Variants in VTI1A observed in about 807,000 individuals in gnomAD.
VTI1A encodes the protein vesicle transport through interaction with t-SNAREs 1A, also known as vesicle transport through interaction with t-SNAREs homolog 1A.
Under a neutral mutation model 34.9 loss-of-function variants are expected in VTI1A, and 22 were observed. The observed-to-expected ratio is 0.63, with a 90% CI of 0.45 to 0.90. VTI1A has a LOEUF of 0.90. Among genes scored for constraint, VTI1A ranks in the 40% least tolerant of loss-of-function variants. The pLI is 0.00. For synonymous variants in VTI1A, 87 were observed against 97.3 expected, an observed-to-expected ratio of 0.89 and a Z score of 0.62; for missense variants, 268 against 275.6, an observed-to-expected ratio of 0.97 and a Z score of 0.20.
At chr10:112,611,457 T>C (rs1845305903) in intron 5 of VTI1A, among the ~76,000 whole-genome samples, 1 of 152,194 alleles carries the variant, frequency 6.6e-6, no homozygotes, top group Admixed American at 6.5e-5. Context: ...CAACATATTA[T>C]TCTGATCACT....
intron 5 of VTI1A, among the ~76,000 whole-genome samples, chr10:112,627,537 A>C (rs1415163047): frequency 6.6e-6 from 1 of 152,184 alleles, no homozygotes; most frequent in Admixed American, 6.5e-5. Context: ...TAACTACTCA[A>C]ATATAACCAC....
intron 5 of VTI1A, among the ~76,000 whole-genome samples, chr10:112,552,440 A>G (rs1386619402): frequency 6.6e-6 from 1 of 151,708 alleles, no homozygotes; most frequent in African/African-American, 2.4e-5. Flanking sequence ...CAACAAACCA[A>G]CCAACCAACA....
chr10:112,815,228 G>A (rs1241129093), intron 7 of VTI1A, 62 bp from the exon 8 acceptor site: 13 of 1,210,018 alleles, frequency 1.1e-5, no homozygotes, highest in Middle Eastern at 2.5e-4. Context: ...GGCCTCGGAC[G>A]GCGTTTGTGG....
chr10:112,476,139 C>T (rs1056803544), intron 3 of VTI1A, among the ~76,000 whole-genome samples: 10 of 152,162 alleles, frequency 6.6e-5, no homozygotes, highest in Non-Finnish European at 5.9e-5. Context: ...GTGTTTGGAA[C>T]ATGAAGAAGC....
At chr10:112,676,546 G>A (rs1023209214) in intron 7 of VTI1A, among the ~76,000 whole-genome samples, 5 of 152,262 alleles carry the variant, frequency 3.3e-5, no homozygotes, top group African/African-American at 1.2e-4. Flanking sequence ...GTCTTCCTTA[G>A]TCTCATCGCT....
At chr10:112,623,182 T>C (rs1845792965) in intron 5 of VTI1A, among the ~76,000 whole-genome samples, 1 of 152,102 alleles carries the variant, frequency 6.6e-6, no homozygotes, top group South Asian at 2.1e-4. Flanking sequence ...ACCATTTGTT[T>C]TCCAATCTCT....
At chr10:112,506,601 T>A (rs964615431) in intron 3 of VTI1A, among the ~76,000 whole-genome samples, 29 of 152,224 alleles carry the variant, frequency 1.9e-4, no homozygotes, top group African/African-American at 7.0e-4. Context: ...ATTTTGCTCT[T>A]GTTGTCTTCT....
intron 7 of VTI1A, among the ~76,000 whole-genome samples, chr10:112,740,315 A>T (rs1045740765): frequency 6.6e-6 from 1 of 152,122 alleles, no homozygotes; most frequent in African/African-American, 2.4e-5. Context: ...TTTGAGACAG[A>T]GTCTTGCGCT....
intron 7 of VTI1A, among the ~76,000 whole-genome samples, chr10:112,712,384 A>C (rs1321894307): frequency 3.3e-5 from 5 of 151,692 alleles, no homozygotes; most frequent in Non-Finnish European, 7.4e-5. Context: ...CATCCTCCTA[A>C]TGATTTGTTT....
chr10:112,753,251 A>C (rs1406987871), intron 7 of VTI1A, among the ~76,000 whole-genome samples: 1 of 151,438 alleles, frequency 6.6e-6, no homozygotes. Flanking sequence ...GAAACAGCCA[A>C]GAAACTTTAC....
intron 7 of VTI1A, among the ~76,000 whole-genome samples, chr10:112,675,897 C>T (rs1341444794): frequency 6.6e-6 from 1 of 152,178 alleles, no homozygotes; most frequent in Non-Finnish European, 1.5e-5. Context: ...CTCTCCGTAC[C>T]TCAGTTTCCT....
At chr10:112,715,933 A>G (rs919533383) in intron 7 of VTI1A, among the ~76,000 whole-genome samples, 1 of 152,184 alleles carries the variant, frequency 6.6e-6, no homozygotes, top group Non-Finnish European at 1.5e-5. Flanking sequence ...TTGTCAGTGT[A>G]TTGAGACTGG....
intron 4 of VTI1A, among the ~76,000 whole-genome samples, chr10:112,535,491 GC>G (rs1351910654): frequency 6.6e-6 from 1 of 152,118 alleles, no homozygotes; most frequent in Non-Finnish European, 1.5e-5. Flanking sequence ...ACAAAAATAT[GC>G]CCCTTCTCTT....
chr10:112,469,662 C>T (rs1009632808), intron 3 of VTI1A, among the ~76,000 whole-genome samples: 5 of 152,284 alleles, frequency 3.3e-5, no homozygotes, highest in African/African-American at 9.6e-5. Flanking sequence ...AGTGCTCTCT[C>T]GCCTATGTTT....
At chr10:112,843,789 C>T in the VTI1A span, among the ~76,000 whole-genome samples, 6,405 of 152,144 alleles carry the variant, frequency 0.042, 445 homozygotes, top group African/African-American at 0.15. Context: ...TTCATAACCA[C>T]CCCCAATCCC....
At chr10:112,510,399 CT>C (rs886914563) in intron 3 of VTI1A, among the ~76,000 whole-genome samples, 23 of 152,124 alleles carry the variant, frequency 1.5e-4, no homozygotes, top group African/African-American at 5.6e-4. Flanking sequence ...TTTCGGGAGG[CT>C]GAGATGGGGG....
intron 7 of VTI1A, among the ~76,000 whole-genome samples, chr10:112,733,916 C>T (rs1263364632): frequency 6.6e-6 from 1 of 151,830 alleles, no homozygotes; most frequent in Non-Finnish European, 1.5e-5. Flanking sequence ...CCACACCCAG[C>T]TAATTTTGTA....
chr10:112,533,338 C>G (rs1406377355), intron 4 of VTI1A, among the ~76,000 whole-genome samples: 1 of 151,978 alleles, frequency 6.6e-6, no homozygotes, highest in Non-Finnish European at 1.5e-5. Context: ...AGAAAGTGAT[C>G]TTTATTCGTT....
chr10:112,751,581 T>C (rs749360293), intron 7 of VTI1A, among the ~76,000 whole-genome samples: 1 of 150,326 alleles, frequency 6.7e-6, no homozygotes, highest in Non-Finnish European at 1.5e-5. Flanking sequence ...TAATTTAAAA[T>C]ATCATCCATT....
Sources: gnomAD v4.1 joint callset for allele counts (sites outside exome capture counted in the v4.1 genomes callset) on GRCh38, gnomAD v4.1.1 for gene constraint, MANE v1.5 for transcripts, NCBI Gene and HGNC (gene_info 2026-07-23, HGNC 2026-07-21) for gene names.